Variants in PSMD1 observed in about 807,000 individuals in gnomAD.
The protein encoded by PSMD1 is proteasome 26S subunit, non-ATPase 1, also known as 26S proteasome non-ATPase regulatory subunit 1.
Under a neutral mutation model 119.0 loss-of-function variants are expected in PSMD1, and 18 were observed. That is an observed-to-expected ratio of 0.15 (90% CI 0.10 to 0.22). PSMD1 has a LOEUF of 0.22. Ranked by LOEUF, PSMD1 falls within the 10% of genes least tolerant of loss-of-function variation. The pLI is 1.00. For missense variants in PSMD1, 702 were observed against 1,158.5 expected (o/e 0.61, Z 5.72); for synonymous variants, 374 against 396.6 (o/e 0.94, Z 0.68).
intron 4 of PSMD1, among the ~76,000 whole-genome samples, chr2:231,065,268 G>GT (rs964408806): frequency 2.7e-5 from 4 of 150,054 alleles, no homozygotes; most frequent in African/African-American, 4.9e-5. Flanking sequence ...TGGGTTTTTT[G>GT]TTTTTTTGTT....
chr2:231,126,152 C>T lies in PSMD1; in HGVS notation c.1884-12584C>T, dbSNP rs188376243. 2.1e-3 allele frequency among the ~76,000 whole-genome samples: 325 copies of T among 152,134 alleles called. 3 individuals carry two copies. Among genetic ancestry groups the T allele is most frequent in the African/African-American group, 7.6e-3 (317 of 41,502 alleles). ...GTGCGGTGGCTCATTCCTGTAATTC[C>T]AGCACTTTGGTAGACCAAGACAGGT... On this transcript the variant is annotated intron_variant, in intron 16 of 24. Transcript: ENST00000308696.
rs192160207 is a variant in PSMD1, at chr2:231,068,064, C to G, written c.510+953C>G. Among the ~76,000 whole-genome samples the G allele has an allele frequency of 1.7e-4, 26 of 152,312 alleles. No individual in the cohort carries two copies. In the East Asian group the frequency reaches 4.0e-3, roughly 24 times the overall value. ...CCAATACCCATGCCTTCCTCAGCCC[C>G]TAAGCAAAGACTAGGTCCAGTTCTG... On this transcript the variant is annotated intron_variant, in intron 5 of 24. Coordinates refer to ENST00000308696, the MANE Select transcript of PSMD1 (RefSeq NM_002807.4).
In PSMD1 at chr2:231,167,021, G is replaced by T. The variant is rs546561651; in HGVS notation, c.2715+1004G>T. On this transcript the variant is annotated intron_variant, in intron 23 of 24. Coordinates refer to ENST00000308696, the MANE Select transcript of PSMD1 (RefSeq NM_002807.4). ...TTTCAGTTTCCTCATCTGTAAAATT[G>T]ATATGGTAATGCTACCTACCTCCTG... Among the ~76,000 whole-genome samples, 3 of 152,314 alleles carry T rather than the reference G, an allele frequency of 2.0e-5. No individual in the cohort carries two copies. In the East Asian group the frequency reaches 5.8e-4, roughly 29 times the overall value.
intron 1 of PSMD1, among the ~76,000 whole-genome samples, chr2:231,059,258 T>C (rs936067827): frequency 1.3e-5 from 2 of 152,230 alleles, no homozygotes; most frequent in Admixed American, 1.3e-4. Flanking sequence ...ATTGGATTAC[T>C]TGTCAACTTC....
intron 23 of PSMD1, 29 bp downstream of exon 23, chr2:231,166,046 A>G (rs1372124315): frequency 7.0e-6 from 11 of 1,569,694 alleles, no homozygotes; most frequent in Admixed American, 1.9e-5. Context: ...TTAGCTGTAT[A>G]TACCAGTGGG....
intron 16 of PSMD1, among the ~76,000 whole-genome samples, chr2:231,099,823 C>T (rs567147443): frequency 4.6e-5 from 7 of 152,224 alleles, no homozygotes; most frequent in South Asian, 2.1e-4. Flanking sequence ...TAAGCCACCC[C>T]GACCAAGGAG....
At chr2:231,080,880 C>T (rs1338395398) in intron 12 of PSMD1, among the ~76,000 whole-genome samples, 1 of 152,104 alleles carries the variant, frequency 6.6e-6, no homozygotes, top group Non-Finnish European at 1.5e-5. Context: ...CGGTGGCTCA[C>T]GCCTGTAATT....
chr2:231,134,372 G>A (rs1231508633), intron 16 of PSMD1, among the ~76,000 whole-genome samples: 2 of 152,128 alleles, frequency 1.3e-5, no homozygotes, highest in Non-Finnish European at 2.9e-5. Context: ...TCAGACAATT[G>A]GCAGATAGTC....
In PSMD1 at chr2:231,165,902, A is replaced by G. The variant is rs754453029; in HGVS notation, c.2600A>G (p.Lys867Arg). 1 of 1,613,336 alleles carries G rather than the reference A, an allele frequency of 6.2e-7. No individual in the cohort carries two copies. Among genetic ancestry groups the G allele is most frequent in the South Asian group, 1.1e-5 (1 of 91,022 alleles). ...GCAGAGAAAAAGGAGGAAAAAGAGAAGAAAAAAGAACCTGAGCCAAACTTC... is the reference window on the plus strand; with the variant it reads ...GCAGAGAAAAAGGAGGAAAAAGAGAGGAAAAAAGAACCTGAGCCAAACTTC... ...DEAEKKEEKE[K>R]KKEPEPNFQL... is the part of the protein sequence containing the mutation. Residue 867 changes from lysine to arginine, a missense_variant, in exon 23 of 25, where the codon AAG (lysine) becomes AGG (arginine). Physicochemically the swap from Lys to Arg is conservative, Grantham distance 26. Around this residue, in one of 9 missense-constraint regions of PSMD1, gnomAD observed 152 missense variants for 239.3 expected, o/e 0.64. Coordinates refer to ENST00000308696, the MANE Select transcript of PSMD1 (RefSeq NM_002807.4).
At chr2:231,123,448 A>C in intron 16 of PSMD1, 2 of 1,614,042 alleles carry the variant, frequency 1.2e-6, no homozygotes, top group Non-Finnish European at 1.7e-6. Context: ...TGGCATCACA[A>C]ACAATCCAAC....
At chr2:231,160,829 A>G (rs1369734171) in intron 19 of PSMD1, among the ~76,000 whole-genome samples, 2 of 152,350 alleles carry the variant, frequency 1.3e-5, no homozygotes, top group Admixed American at 6.5e-5. Flanking sequence ...ATAACTCACT[A>G]ATTCCAAGGA....
rs116419780 is a variant in PSMD1 at position 231,115,280 on chromosome 2, C to T, written c.1884-23456C>T. On this transcript the variant is annotated intron_variant, in intron 16 of 24. Coordinates refer to ENST00000308696, the MANE Select transcript of PSMD1 (RefSeq NM_002807.4). Reference sequence around the variant, plus strand: ...ATCAAGTAGGAGATTTTTTTAAAGTCAGGTAGGATTTCAGTGAAAAATATC... The same window carrying T: ...ATCAAGTAGGAGATTTTTTTAAAGTTAGGTAGGATTTCAGTGAAAAATATC... Among the ~76,000 whole-genome samples the T allele has an allele frequency of 4.5e-3, 681 of 151,232 alleles. 5 individuals are homozygous for T. The highest frequency in any genetic ancestry group is 0.016 in the African/African-American group (660 of 41,208).
chr2:231,108,909 A>G (rs1312127034), intron 16 of PSMD1: 1 of 1,614,046 alleles, frequency 6.2e-7, no homozygotes, highest in African/African-American at 1.3e-5. Context: ...TGGTTACAGG[A>G]ATCACATAAA....
At chr2:231,057,354 C>T (rs954662352) in intron 1 of PSMD1, among the ~76,000 whole-genome samples, 1 of 152,180 alleles carries the variant, frequency 6.6e-6, no homozygotes, top group Non-Finnish European at 1.5e-5. Flanking sequence ...CTGTGCCTCC[C>T]ATTCTTGGCC....
intron 1 of PSMD1, 50 bp downstream of exon 1, chr2:231,057,091 C>T (rs1316429293): frequency 8.1e-6 from 12 of 1,476,618 alleles, no homozygotes; most frequent in Non-Finnish European, 1.1e-5. Context: ...GCCGCCGCGC[C>T]GGCTTTTAGC....
At chr2:231,140,495 CAAAAAAA>C (rs766658246) in intron 17 of PSMD1, among the ~76,000 whole-genome samples, 1,085 of 48,496 alleles carry the variant, frequency 0.022, 25 homozygotes, top group African/African-American at 0.068. Context: ...GACTCCATCT[CAAAAAAA>C]AAAAAAAAAA....
In PSMD1 at chr2:231,151,532, T is replaced by G. The variant is rs186635025; in HGVS notation, c.2116-2032T>G. On this transcript the variant is annotated intron_variant, in intron 18 of 24. Coordinates refer to ENST00000308696, the MANE Select transcript of PSMD1 (RefSeq NM_002807.4). ...TTTAATATTAGTTAGATAAGCCTAT[T>G]GTATAGTTGGACTGATTTTTTTATC... Among the ~76,000 whole-genome samples, 19 of 152,318 alleles carry G rather than the reference T, an allele frequency of 1.2e-4. No individual in the cohort carries two copies. In the East Asian group the frequency reaches 3.7e-3, roughly 29 times the overall value.
chr2:231,122,925 A>G (rs1309707788), intron 16 of PSMD1, among the ~76,000 whole-genome samples: 3 of 152,198 alleles, frequency 2.0e-5, no homozygotes, highest in Non-Finnish European at 4.4e-5. Flanking sequence ...CAAACTATTA[A>G]GAGCTATAAT....
At chr2:231,123,417 C>G in intron 16 of PSMD1, 1 of 1,611,488 alleles carries the variant, frequency 6.2e-7, no homozygotes, top group South Asian at 1.1e-5. Flanking sequence ...ACTTACCAAA[C>G]ATTATTGTCA....
Sources: gnomAD v4.1 joint callset for allele counts (sites outside exome capture counted in the v4.1 genomes callset) on GRCh38, gnomAD v4.1.1 for gene constraint, gnomAD v4.1.1 regional missense constraint, MANE v1.5 for transcripts, NCBI Gene and HGNC (gene_info 2026-07-23, HGNC 2026-07-21) for gene names.